Variants in MLLT10 observed in about 807,000 individuals in gnomAD.
MLLT10 encodes protein AF-10.
MLLT10 carries 30 observed loss-of-function variants against 129.1 expected under a neutral mutation model. The ratio of observed to expected loss-of-function variants is 0.23; its 90% CI spans 0.17 to 0.32. The LOEUF is 0.32. Ranked by LOEUF, MLLT10 falls within the 10% of genes least tolerant of loss-of-function variation. The pLI is 1.00. For missense variants in MLLT10, 1,119 were observed against 1,268.3 expected (o/e 0.88, Z 1.79); for synonymous variants, 490 against 446.4 (o/e 1.10, Z -1.23).
At chr10:21,642,656 CAAA>C (rs374427646) in intron 8 of MLLT10, among the ~76,000 whole-genome samples, 3 of 99,654 alleles carry the variant, frequency 3.0e-5, no homozygotes, top group African/African-American at 4.3e-5. Context: ...GACTCTGTCT[CAAA>C]AAAAAAAAAA....
At chr10:21,707,820 A>G (rs1461780757) in intron 13 of MLLT10, among the ~76,000 whole-genome samples, 13 of 152,062 alleles carry the variant, frequency 8.5e-5, no homozygotes, top group Admixed American at 8.5e-4. Context: ...GCCTCTCCAC[A>G]AGGCTTTAGC....
At chr10:21,705,943 T>G (rs1341398807) in intron 13 of MLLT10, among the ~76,000 whole-genome samples, 4 of 152,202 alleles carry the variant, frequency 2.6e-5, no homozygotes, top group Non-Finnish European at 4.4e-5. Flanking sequence ...CAGAAGTCCA[T>G]GTGGGAATGT....
chr10:21,551,664 T>C (rs2037051803), intron 3 of MLLT10, among the ~76,000 whole-genome samples: 1 of 152,066 alleles, frequency 6.6e-6, no homozygotes, highest in Non-Finnish European at 1.5e-5. Flanking sequence ...CTAACCTCCC[T>C]ACAAAACTAG....
Position 21,682,256 on chromosome 10 carries a change from C to T in MLLT10, c.1698C>T (p.Asn566=), listed in dbSNP as rs778461159. ...TFSELLNAIH[N]GIYNSNDVAV... is the part of the protein sequence containing the mutation. Reference sequence around the variant, plus strand: ...CAGAGTTGCTGAATGCAATACACAACGGTAAGTTTTATTAGAATCTTCTCT... The same window carrying T: ...CAGAGTTGCTGAATGCAATACACAATGGTAAGTTTTATTAGAATCTTCTCT... The change falls in exon 13 of 23, where the codon AAC becomes AAT. Residue 566 remains asparagine, a splice_region_variant and synonymous_variant. Transcript: ENST00000307729. The T allele has an allele frequency of 4.1e-5, 66 of 1,609,342 alleles. No homozygotes were observed. The Middle Eastern group carries it at 4.9e-4, about 12-fold the overall frequency.
intron 3 of MLLT10, among the ~76,000 whole-genome samples, chr10:21,558,847 C>T (rs1328644656): frequency 6.6e-6 from 1 of 152,002 alleles, no homozygotes. Flanking sequence ...TGCCTTTGTG[C>T]GAGAACCACA....
chr10:21,708,706 A>G (rs1039766180), intron 13 of MLLT10: 7 of 985,342 alleles, frequency 7.1e-6, no homozygotes, highest in Non-Finnish European at 8.4e-6. Context: ...TTTGAGATTG[A>G]AGGTCCTTAA....
At chr10:21,556,980 G>T (rs749136724) in intron 3 of MLLT10, 1 of 1,510,832 alleles carries the variant, frequency 6.6e-7, no homozygotes, top group South Asian at 1.3e-5. Context: ...TTCTGATGTG[G>T]TCTTTTATAT....
intron 14 of MLLT10, among the ~76,000 whole-genome samples, chr10:21,717,065 T>C (rs1023269530): frequency 4.0e-5 from 6 of 151,606 alleles, no homozygotes; most frequent in South Asian, 2.1e-4. Context: ...GAGACCAGCC[T>C]CAACATGGAG....
rs191142895 is a variant in MLLT10 at position 21,654,893 on chromosome 10, C to T, written c.795+3125C>T. Among the ~76,000 whole-genome samples, 736 of 152,160 alleles carry T rather than the reference C, an allele frequency of 4.8e-3. 6 individuals are homozygous for T. Among genetic ancestry groups the T allele is most frequent in the Admixed American group, 0.014 (215 of 15,292 alleles). ...GGTGAAATTAAGGGATTGTTGAAGG[C>T]TGCGCATGGTGGCTCATGCCTGTAG... On this transcript the variant is annotated intron_variant, in intron 9 of 22. Coordinates refer to ENST00000307729, the MANE Select transcript of MLLT10 (RefSeq NM_001195626.3).
intron 5 of MLLT10, among the ~76,000 whole-genome samples, chr10:21,596,643 A>C (rs1269118975): frequency 6.6e-6 from 1 of 152,136 alleles, no homozygotes; most frequent in Non-Finnish European, 1.5e-5. Flanking sequence ...GTAAAAAAAA[A>C]AAAAAATATT....
In MLLT10 at chr10:21,742,300, A is replaced by G. The variant is rs1311166001; in HGVS notation, c.*317A>G. 4 of 291,716 alleles carry G rather than the reference A, an allele frequency of 1.4e-5. No individual in the cohort carries two copies. Among genetic ancestry groups the G allele is most frequent in the African/African-American group, 4.3e-5 (2 of 46,826 alleles). 18.1% of individuals were successfully genotyped at this position (291,716 alleles called of 1,614,324 possible). On this transcript the variant is annotated 3_prime_UTR_variant, in exon 23 of 23. Transcript: ENST00000307729. Reference sequence around the variant, plus strand: ...CTCAAGAATTTAATATAGTTGGTACACAACTAGTTTTGTTTATAAATTGGA... The same window carrying G: ...CTCAAGAATTTAATATAGTTGGTACGCAACTAGTTTTGTTTATAAATTGGA...
In MLLT10 at chr10:21,742,270, A is replaced by G. The variant is rs1172860743; in HGVS notation, c.*287A>G. ...GACATAATTTACATGCAATATGTTT[A>G]TCAACTCAAGAATTTAATATAGTTG... On this transcript the variant is annotated 3_prime_UTR_variant, in exon 23 of 23. Coordinates refer to ENST00000307729, the MANE Select transcript of MLLT10 (RefSeq NM_001195626.3). 8.7e-6 allele frequency: 3 copies of G among 344,090 alleles called. No individual in the cohort carries two copies. Among genetic ancestry groups the G allele is most frequent in the African/African-American group, 4.2e-5 (2 of 47,808 alleles). 21.3% of individuals were successfully genotyped at this position (344,090 alleles called of 1,614,324 possible).
chr10:21,618,359 C>T (rs578237134), intron 8 of MLLT10, among the ~76,000 whole-genome samples: 32 of 151,472 alleles, frequency 2.1e-4, no homozygotes, highest in East Asian at 1.4e-3. Flanking sequence ...AAAAATTATT[C>T]GGGCCTGGTG....
chr10:21,647,438 T>C (rs1486966243), intron 8 of MLLT10, among the ~76,000 whole-genome samples: 3 of 152,180 alleles, frequency 2.0e-5, no homozygotes, highest in African/African-American at 7.2e-5. Flanking sequence ...GAAGGATCCT[T>C]TGAGCCCAGG....
chr10:21,711,680 G>A (rs1368454911), intron 13 of MLLT10, among the ~76,000 whole-genome samples: 1 of 151,980 alleles, frequency 6.6e-6, no homozygotes, highest in Non-Finnish European at 1.5e-5. Context: ...AGGAGGTCAA[G>A]GCTGCAGTGA....
At chr10:21,607,437 C>T (rs1397581407) in intron 5 of MLLT10, among the ~76,000 whole-genome samples, 1 of 150,522 alleles carries the variant, frequency 6.6e-6, no homozygotes, top group East Asian at 2.0e-4. Context: ...TCTCACACTT[C>T]AGCCTCCTGA....
chr10:21,678,295 G>C (rs1220474327), intron 11 of MLLT10, among the ~76,000 whole-genome samples: 2 of 152,034 alleles, frequency 1.3e-5, no homozygotes, highest in East Asian at 1.9e-4. Context: ...AATAGAGACA[G>C]GGTTTCACCA....
In MLLT10 at chr10:21,534,414, G is replaced by C. The variant is rs2033403462; in HGVS notation, c.-107G>C. 1 of 476,794 alleles carries C rather than the reference G, an allele frequency of 2.1e-6. No homozygotes were observed. The highest frequency in any genetic ancestry group is 3.4e-5 in the East Asian group (1 of 29,614). 29.5% of individuals were successfully genotyped at this position (476,794 alleles called of 1,614,324 possible). On this transcript the variant is annotated 5_prime_UTR_variant, in exon 1 of 23. Coordinates refer to ENST00000307729, the MANE Select transcript of MLLT10 (RefSeq NM_001195626.3). ...GGAGGTGGGGAGGGAAGACGCTGAGGAGGAGGAGGAGGCGGAGGAGGCGGT... is the reference window on the plus strand; with the variant it reads ...GGAGGTGGGGAGGGAAGACGCTGAGCAGGAGGAGGAGGCGGAGGAGGCGGT...
chr10:21,604,502 T>A (rs920336451), intron 5 of MLLT10, among the ~76,000 whole-genome samples: 4 of 151,064 alleles, frequency 2.6e-5, no homozygotes, highest in Admixed American at 1.3e-4. Context: ...AGGAGGAGAG[T>A]CGCTTGAAGC....
Sources: allele counts gnomAD v4.1 joint callset (sites outside exome capture counted in the v4.1 genomes callset), GRCh38; gene constraint gnomAD v4.1.1; transcripts MANE v1.5; gene names NCBI Gene and HGNC (gene_info 2026-07-23, HGNC 2026-07-21).